COX16: variants seen among roughly 807,000 people sequenced by gnomAD.
COX16 encodes the protein cytochrome c oxidase assembly protein COX16 homolog, mitochondrial.
A neutral mutation model predicts 15.4 loss-of-function variants in COX16; 12 were observed. That is an observed-to-expected ratio of 0.78 (90% CI 0.50 to 1.26). The LOEUF is 1.26. Ranked by LOEUF, COX16 falls within the 50% of genes most tolerant of loss-of-function variation. COX16 has a pLI of 0.00. For synonymous variants in COX16, 46 were observed against 41.1 expected (o/e 1.12, Z -0.46); for missense variants, 124 against 127.6 (o/e 0.97, Z 0.14).
rs1054234197 is a variant in COX16, at chr14:70,329,297, A to G, written c.142-61T>C. On this transcript the variant is annotated intron_variant, in intron 2 of 3. Coordinates refer to ENST00000389912, the MANE Select transcript of COX16 (RefSeq NM_016468.7). ...GTCTGTTTGTTAGACTCAATTTTCA[A>G]TTTTAAGTTATAGAAGAGATGGCTG... 47 of 1,486,322 alleles carry G rather than the reference A, an allele frequency of 3.2e-5. No individual in the cohort carries two copies. The Middle Eastern group carries it at 5.4e-4, about 17-fold the overall frequency. The allele number at this position is 1,486,322 out of a possible 1,614,324, so 92.1% of individuals were successfully genotyped here.
At chr14:70,329,841 TAAAC>T (rs1245992983) in intron 2 of COX16, among the ~76,000 whole-genome samples, 1 of 149,684 alleles carries the variant, frequency 6.7e-6, no homozygotes, top group Non-Finnish European at 1.5e-5. Context: ...CTGAAATCAA[TAAAC>T]AACAACTACA....
intron 1 of COX16, among the ~76,000 whole-genome samples, chr14:70,352,645 CTTTTTTTTTTTTT>C (rs576495712): frequency 1.2e-5 from 1 of 84,484 alleles, no homozygotes; most frequent in African/African-American, 4.0e-5. Flanking sequence ...CTTTTTTTTT[CTTTTTTTTTTTTT>C]TTTTTGAGAC....
chr14:70,329,319 G>T, intron 2 of COX16, 83 bp from the exon 3 acceptor site: 6 of 1,205,070 alleles, frequency 5.0e-6, no homozygotes, highest in Non-Finnish European at 4.6e-6. Flanking sequence ...AGAAGAGATG[G>T]CTGAAATACT....
At chr14:70,358,843 T>TGG (rs1887210453) in intron 1 of COX16, among the ~76,000 whole-genome samples, 1 of 152,214 alleles carries the variant, frequency 6.6e-6, no homozygotes, top group Non-Finnish European at 1.5e-5. Flanking sequence ...AGCCTGCATT[T>TGG]CATGACATCC....
In COX16 at chr14:70,326,312, A is replaced by AT; in HGVS notation, c.*20_*21insA. 2 of 1,419,002 alleles carry AT rather than the reference A, an allele frequency of 1.4e-6. No homozygotes were observed. Among genetic ancestry groups the AT allele is most frequent in the Non-Finnish European group, 9.3e-7 (1 of 1,077,084 alleles). The allele number at this position is 1,419,002 out of a possible 1,614,324, so 87.9% of individuals were successfully genotyped here. On this transcript the variant is annotated 3_prime_UTR_variant, in exon 4 of 4. Coordinates refer to ENST00000389912, the MANE Select transcript of COX16 (RefSeq NM_016468.7). ...ATATTTTTATTTAAAAAAAAAAAAA[A>AT]GGAAAAAAGAATCAGCAGAGTCAAG...
In COX16 at chr14:70,359,492, G is replaced by C. The variant is rs770989825; in HGVS notation, c.69+27C>G. 6.9e-6 allele frequency: 11 copies of C among 1,603,740 alleles called. No individual in the cohort carries two copies. In the African/African-American group the frequency reaches 1.3e-4, roughly 20 times the overall value. On this transcript the variant is annotated intron_variant, in intron 1 of 3. Coordinates refer to ENST00000389912, the MANE Select transcript of COX16 (RefSeq NM_016468.7). ...GCCAAGGAGGAGGGTCCCACCCCTT[G>C]CGGAAGATCCTCCTCACTCCACTCA...
chr14:70,340,423 T>C (rs11158857), intron 2 of COX16, among the ~76,000 whole-genome samples: 4,336 of 152,304 alleles, frequency 0.028, 157 homozygotes, highest in East Asian at 0.18. Context: ...CACTGGGTTA[T>C]TGGCACCACC....
intron 1 of COX16, among the ~76,000 whole-genome samples, chr14:70,353,029 A>G (rs1377951834): frequency 6.6e-6 from 1 of 152,104 alleles, no homozygotes; most frequent in Non-Finnish European, 1.5e-5. Context: ...TTGGGAGGCC[A>G]AGGCGGGAGA....
Position 70,325,298 on chromosome 14 carries a change from T to A in COX16, c.*1035A>T, listed in dbSNP as rs553772428. ...AAAATGAGTTCAAAACAACTAACTT[T>A]CGGCCAGGCGTGGTGGCTCACACCT... On this transcript the variant is annotated 3_prime_UTR_variant, in exon 4 of 4. Transcript: ENST00000389912. 1.3e-5 allele frequency: 2 copies of A among 152,290 alleles called. No homozygotes were observed. The highest frequency in any genetic ancestry group is 4.1e-4 in the South Asian group (2 of 4,820). The allele number at this position is 152,290 out of a possible 1,614,324, so 9.4% of individuals were successfully genotyped here. A position where few individuals can be genotyped will look rare whatever the true frequency, so the allele number is the denominator to read the frequency against.
At chr14:70,346,032 C>A (rs1020371767) in intron 1 of COX16, among the ~76,000 whole-genome samples, 1 of 152,108 alleles carries the variant, frequency 6.6e-6, no homozygotes, top group Non-Finnish European at 1.5e-5. Context: ...TTCTCCTCCC[C>A]CACTGCCCTC....
intron 2 of COX16, among the ~76,000 whole-genome samples, chr14:70,335,884 A>G (rs1886437706): frequency 6.6e-6 from 1 of 152,218 alleles, no homozygotes; most frequent in African/African-American, 2.4e-5. Flanking sequence ...CACTGATATA[A>G]AATTCAAAAC....
chr14:70,329,159 A>G lies in COX16; in HGVS notation c.204+15T>C, dbSNP rs1439023375. On this transcript the variant is annotated intron_variant, in intron 3 of 3. Transcript: ENST00000389912. Reference sequence around the variant, plus strand: ...CTGATTGTTATAAGACAGAGACTATATTAACATACCGTACCTCATATTCCG... The same window carrying G: ...CTGATTGTTATAAGACAGAGACTATGTTAACATACCGTACCTCATATTCCG... The G allele has an allele frequency of 6.2e-7, 1 of 1,601,790 alleles. No individual in the cohort carries two copies. The highest frequency in any genetic ancestry group is 1.7e-5 in the Admixed American group (1 of 58,010).
Position 70,326,087 on chromosome 14 carries a change from AT to A in COX16, c.*245del, listed in dbSNP as rs1308931500. 2 of 228,244 alleles carry A rather than the reference AT, an allele frequency of 8.8e-6. No homozygotes were observed. The highest frequency in any genetic ancestry group is 8.8e-5 in the East Asian group (1 of 11,366). 14.1% of individuals were successfully genotyped at this position (228,244 alleles called of 1,614,324 possible). On this transcript the variant is annotated 3_prime_UTR_variant, in exon 4 of 4. Transcript: ENST00000389912. ...ACTCTGTTTTTGGAGCAGTATTCAC[AT>A]TTTTTATTTCGAGGTGTAAAATATA...
intron 1 of COX16, among the ~76,000 whole-genome samples, chr14:70,351,924 A>AT (rs921358810): frequency 3.3e-5 from 5 of 152,208 alleles, no homozygotes; most frequent in Admixed American, 6.5e-5. Flanking sequence ...ATCAAACTTT[A>AT]TTTTTTTGCA....
At chr14:70,336,622 A>T (rs1215520923) in intron 2 of COX16, among the ~76,000 whole-genome samples, 2 of 152,232 alleles carry the variant, frequency 1.3e-5, no homozygotes, top group Non-Finnish European at 2.9e-5. Flanking sequence ...TTCAACTAAG[A>T]AAACAGCAAA....
rs946430104 is a variant in COX16 at position 70,332,644 on chromosome 14, T to C, written c.142-3408A>G. ...CAGTAGATCCCGAGGCAGCTCAGTC[T>C]CAGCTTCAGCCCCTCCTGTGGAAGT... On this transcript the variant is annotated intron_variant, in intron 2 of 3. Coordinates refer to ENST00000389912, the MANE Select transcript of COX16 (RefSeq NM_016468.7). Among the ~76,000 whole-genome samples the C allele has an allele frequency of 2.0e-5, 3 of 152,136 alleles. No homozygotes were observed. The South Asian group carries it at 6.2e-4, about 31-fold the overall frequency.
intron 1 of COX16, among the ~76,000 whole-genome samples, chr14:70,351,282 G>A (rs760409026): frequency 1.3e-5 from 2 of 151,998 alleles, no homozygotes; most frequent in African/African-American, 4.8e-5. Flanking sequence ...TAATACAAAC[G>A]GAGACATAAT....
At chr14:70,353,661 C>A (rs1887038184) in intron 1 of COX16, among the ~76,000 whole-genome samples, 1 of 151,680 alleles carries the variant, frequency 6.6e-6, no homozygotes, top group African/African-American at 2.4e-5. Flanking sequence ...CCACAGGCGC[C>A]TGCCACCACA....
Position 70,326,354 on chromosome 14 carries a change from G to A in COX16, c.300C>T (p.Ser100=). ...AGAGTCAAGTTGTCTTAGTCTTAAG[G>A]CTTTCTGGATTTCTTCCTTGGAGGA... ...PDLLQGRNPE[S]LKTKTT is the part of the protein sequence containing the mutation. Residue 100 remains serine (S), a synonymous_variant, in exon 4 of 4, where the codon AGC becomes AGT. Transcript: ENST00000389912. 6.4e-7 allele frequency: 1 copy of A among 1,566,356 alleles called. No homozygotes were observed. The highest frequency in any genetic ancestry group is 1.9e-5 in the Admixed American group (1 of 54,004).
Sources: allele counts gnomAD v4.1 joint callset (sites outside exome capture counted in the v4.1 genomes callset), GRCh38; gene constraint gnomAD v4.1.1; transcripts MANE v1.5; gene names NCBI Gene and HGNC (gene_info 2026-07-23, HGNC 2026-07-21).